ADAM22: variants seen among roughly 807,000 people sequenced by gnomAD.
ADAM22 encodes the protein ADAM metallopeptidase domain 22.
Under a neutral mutation model 144.6 loss-of-function variants are expected in ADAM22, and 65 were observed. That is an observed-to-expected ratio of 0.45 (90% CI 0.37 to 0.55). The LOEUF (loss-of-function observed/expected upper bound fraction) is 0.55, where lower values mean the gene tolerates loss of function less well. Ranked by LOEUF, ADAM22 falls within the 20% of genes least tolerant of loss-of-function variation. The probability of loss-of-function intolerance (pLI) is 0.00; values close to 1 mark genes in which losing one functional copy is unlikely to be tolerated. For missense variants in ADAM22, 974 were observed against 1,184.9 expected (o/e 0.82, Z 2.61); for synonymous variants, 391 against 412.6 (o/e 0.95, Z 0.63).
At chr7:88,151,615 G>A (rs909066497) in intron 20 of ADAM22, among the ~76,000 whole-genome samples, 1 of 152,186 alleles carries the variant, frequency 6.6e-6, no homozygotes, top group African/African-American at 2.4e-5. Flanking sequence ...AGCAAACCTG[G>A]ATTTCAGCTC....
At chr7:87,989,173 G>A (rs931066001) in intron 3 of ADAM22, among the ~76,000 whole-genome samples, 13 of 152,112 alleles carry the variant, frequency 8.5e-5, no homozygotes, top group Non-Finnish European at 1.9e-4. Context: ...ATGACCTTAT[G>A]CCATCACGCT....
intron 2 of ADAM22, among the ~76,000 whole-genome samples, chr7:87,953,839 A>C (rs1562838803): frequency 6.6e-6 from 1 of 152,216 alleles, no homozygotes; most frequent in African/African-American, 2.4e-5. Context: ...TTTTGGGTGC[A>C]TATATATTTA....
intron 5 of ADAM22, among the ~76,000 whole-genome samples, chr7:88,111,523 T>C (rs1231271790): frequency 6.6e-6 from 1 of 152,204 alleles, no homozygotes; most frequent in African/African-American, 2.4e-5. Flanking sequence ...GTGTGTTTGG[T>C]GTTAATGCAA....
intron 18 of ADAM22, among the ~76,000 whole-genome samples, chr7:88,150,309 C>T (rs764142209): frequency 2.6e-5 from 4 of 152,230 alleles, no homozygotes; most frequent in Middle Eastern, 3.4e-3. Context: ...CTTGGTATTC[C>T]GTTTTTGCAA....
intron 27 of ADAM22, among the ~76,000 whole-genome samples, chr7:88,180,759 A>C (rs1455669013): frequency 6.6e-6 from 1 of 152,062 alleles, no homozygotes; most frequent in African/African-American, 2.4e-5. Context: ...GATTTCTCTG[A>C]AGTATATGTA....
intron 22 of ADAM22, among the ~76,000 whole-genome samples, chr7:88,158,924 G>A (rs1020146659): frequency 6.6e-6 from 1 of 152,010 alleles, no homozygotes; most frequent in Non-Finnish European, 1.5e-5. Flanking sequence ...TGACCTGAAA[G>A]AGACTGAGAC....
chr7:88,003,478 T>C (rs1236022807), intron 3 of ADAM22, among the ~76,000 whole-genome samples: 1 of 152,192 alleles, frequency 6.6e-6, no homozygotes, highest in Non-Finnish European at 1.5e-5. Context: ...ATAGAGTGAA[T>C]TTTATACATT....
At chr7:88,079,190 T>G (rs955330959) in intron 4 of ADAM22, among the ~76,000 whole-genome samples, 2 of 152,170 alleles carry the variant, frequency 1.3e-5, no homozygotes, top group Non-Finnish European at 2.9e-5. Flanking sequence ...GGGGCCAATA[T>G]TCAACATTCT....
At chr7:88,067,627 A>C (rs375379332) in intron 3 of ADAM22, among the ~76,000 whole-genome samples, 1 of 152,150 alleles carries the variant, frequency 6.6e-6, no homozygotes, top group African/African-American at 2.4e-5. Context: ...TTTTTAAAAA[A>C]TCTGATTCTG....
intron 7 of ADAM22, among the ~76,000 whole-genome samples, chr7:88,124,714 A>G (rs748775555): frequency 8.6e-5 from 13 of 151,990 alleles, no homozygotes; most frequent in Non-Finnish European, 1.5e-4. Flanking sequence ...CCCAGGCCAT[A>G]GCATTCTGAA....
chr7:88,183,808 C>T (rs1201425397), intron 29 of ADAM22, among the ~76,000 whole-genome samples: 2 of 147,778 alleles, frequency 1.4e-5, no homozygotes, highest in Non-Finnish European at 3.0e-5. Flanking sequence ...GGAACTGTCT[C>T]TCTATATATA....
chr7:88,077,269 T>C (rs7780245), intron 4 of ADAM22, among the ~76,000 whole-genome samples: 20,108 of 152,196 alleles, frequency 0.13, 1,984 homozygotes, highest in African/African-American at 0.26. Flanking sequence ...TAATTGAGTT[T>C]TTCCATTACA....
chr7:88,131,871 T>A (rs557663982), intron 11 of ADAM22: 154 of 160,382 alleles, frequency 9.6e-4, no homozygotes, highest in African/African-American at 3.5e-3. Context: ...GCATGCATAT[T>A]TGACGTAATA....
intron 2 of ADAM22, among the ~76,000 whole-genome samples, chr7:87,942,734 G>A (rs1250241291): frequency 1.3e-5 from 2 of 152,136 alleles, no homozygotes; most frequent in Non-Finnish European, 2.9e-5. Flanking sequence ...CTATTTGTTT[G>A]TAGATATGTA....
At chr7:88,119,463 G>A (rs1313384515) in intron 7 of ADAM22, among the ~76,000 whole-genome samples, 2 of 152,130 alleles carry the variant, frequency 1.3e-5, no homozygotes, top group Non-Finnish European at 2.9e-5. Context: ...TTAAATTATT[G>A]AATATGTTGT....
intron 9 of ADAM22, among the ~76,000 whole-genome samples, chr7:88,129,042 G>T (rs768609656): frequency 6.6e-6 from 1 of 151,890 alleles, no homozygotes; most frequent in Non-Finnish European, 1.5e-5. Context: ...ATTTTAGTTC[G>T]CGGGGTACAC....
chr7:87,966,728 T>G (rs1039467187), intron 2 of ADAM22, among the ~76,000 whole-genome samples: 3 of 126,698 alleles, frequency 2.4e-5, no homozygotes, highest in Non-Finnish European at 3.4e-5. Flanking sequence ...GCCGTTTTTT[T>G]TTTTTTTTTT....
At chr7:87,939,084 T>C (rs1841954429) in intron 2 of ADAM22, among the ~76,000 whole-genome samples, 2 of 152,204 alleles carry the variant, frequency 1.3e-5, no homozygotes, top group Non-Finnish European at 2.9e-5. Flanking sequence ...GAATAAACAG[T>C]TATACTTTGC....
chr7:88,054,570 G>A (rs1398068693), intron 3 of ADAM22, among the ~76,000 whole-genome samples: 1 of 146,428 alleles, frequency 6.8e-6, no homozygotes, highest in Non-Finnish European at 1.5e-5. Flanking sequence ...AACTTTCCAG[G>A]CCTGATTAGG....
Sources: allele counts gnomAD v4.1 joint callset (sites outside exome capture counted in the v4.1 genomes callset), GRCh38; gene constraint gnomAD v4.1.1; transcripts MANE v1.5; gene names NCBI Gene and HGNC (gene_info 2026-07-23, HGNC 2026-07-21).